Variants in MGST1 observed in about 807,000 individuals in gnomAD.
The protein encoded by MGST1 is microsomal glutathione S-transferase 1, also known as glutathione S-transferase 12.
A neutral mutation model predicts 8.9 loss-of-function variants in MGST1; 5 were observed. That is an observed-to-expected ratio of 0.56 (90% CI 0.29 to 1.19). The LOEUF (loss-of-function observed/expected upper bound fraction) is 1.19. MGST1 is among the 50% of genes most tolerant of loss of function. The pLI is 0.08. For synonymous variants in MGST1, 54 were observed against 67.8 expected (o/e 0.80, Z 1.00); for missense variants, 182 against 187.4 (o/e 0.97, Z 0.17).
intron 4 of MGST1, among the ~76,000 whole-genome samples, chr12:16,452,899 G>A (rs1941141518): frequency 6.6e-6 from 1 of 151,818 alleles, no homozygotes; most frequent in Non-Finnish European, 1.5e-5. Context: ...AAAAAGATGT[G>A]CCTAAATTAT....
intron 1 of MGST1, among the ~76,000 whole-genome samples, chr12:16,398,260 G>A (rs1345015456): frequency 6.6e-6 from 1 of 152,194 alleles, no homozygotes; most frequent in African/African-American, 2.4e-5. Context: ...ACAGGTGGGT[G>A]CAGAGAACCA....
chr12:16,474,802 T>C (rs561592475), intron 4 of MGST1, among the ~76,000 whole-genome samples: 1 of 152,226 alleles, frequency 6.6e-6, no homozygotes, highest in Non-Finnish European at 1.5e-5. Flanking sequence ...GAAGCTAGTG[T>C]GTTTGTGCAT....
At chr12:16,415,652 AAC>A (rs1940781854) in intron 1 of MGST1, among the ~76,000 whole-genome samples, 1 of 152,228 alleles carries the variant, frequency 6.6e-6, no homozygotes, top group South Asian at 2.1e-4. Flanking sequence ...TAATGTGTAT[AAC>A]ACAAAAAATA....
intron 4 of MGST1, among the ~76,000 whole-genome samples, chr12:16,499,407 T>A (rs910408522): frequency 6.6e-6 from 1 of 152,202 alleles, no homozygotes. Flanking sequence ...TTACCAGCAC[T>A]GTGTGGGGAG....
At chr12:16,487,118 A>T (rs766124560) in intron 4 of MGST1, among the ~76,000 whole-genome samples, 13 of 152,168 alleles carry the variant, frequency 8.5e-5, no homozygotes, top group Non-Finnish European at 1.6e-4. Context: ...GCAATGGTGG[A>T]ACTTCAGGCC....
At chr12:16,428,357 C>G (rs1440005159) in intron 1 of MGST1, among the ~76,000 whole-genome samples, 2 of 151,644 alleles carry the variant, frequency 1.3e-5, no homozygotes, top group Non-Finnish European at 1.5e-5. Context: ...GTGCATTTTC[C>G]TAATTTTTTT....
At chr12:16,580,336 A>G (rs754827081) in intron 4 of MGST1, among the ~76,000 whole-genome samples, 1 of 152,208 alleles carries the variant, frequency 6.6e-6, no homozygotes, top group Non-Finnish European at 1.5e-5. Flanking sequence ...AAGGATCAAG[A>G]GCAAAGACAC....
At chr12:16,358,142 A>G (rs1939812285) in intron 3 of MGST1, among the ~76,000 whole-genome samples, 1 of 152,158 alleles carries the variant, frequency 6.6e-6, no homozygotes, top group Non-Finnish European at 1.5e-5. Flanking sequence ...CCCCACTGCC[A>G]TCTCTTTTTA....
intron 4 of MGST1, among the ~76,000 whole-genome samples, chr12:16,474,826 T>C (rs1254569241): frequency 6.6e-6 from 1 of 152,222 alleles, no homozygotes; most frequent in African/African-American, 2.4e-5. Flanking sequence ...GTTAAAGGTG[T>C]ACTAAGTAGG....
At chr12:16,534,164 ATT>A (rs1301580968) in intron 4 of MGST1, among the ~76,000 whole-genome samples, 2 of 152,234 alleles carry the variant, frequency 1.3e-5, no homozygotes, top group East Asian at 3.9e-4. Flanking sequence ...ATAAAAAATC[ATT>A]GATAAAATAA....
intron 4 of MGST1, among the ~76,000 whole-genome samples, chr12:16,565,010 A>T (rs78291943): frequency 0.014 from 2,058 of 152,196 alleles, 50 homozygotes; most frequent in African/African-American, 0.048. Context: ...GGCTGAACTC[A>T]CACTCTTGGG....
At chr12:16,435,575 G>A (rs1418282889) in intron 1 of MGST1, among the ~76,000 whole-genome samples, 1 of 151,838 alleles carries the variant, frequency 6.6e-6, no homozygotes, top group Non-Finnish European at 1.5e-5. Flanking sequence ...ATTCTCAGAA[G>A]AAAATTTTCA....
At chr12:16,431,609 C>T (rs373498569) in intron 1 of MGST1, among the ~76,000 whole-genome samples, 7 of 151,936 alleles carry the variant, frequency 4.6e-5, no homozygotes, top group Non-Finnish European at 7.4e-5. Context: ...CTTGTATGGG[C>T]GCAGTTCACT....
At chr12:16,382,455 T>C (rs1462701001), upstream of MGST1, among the ~76,000 whole-genome samples, 1 of 152,158 alleles carries the variant, frequency 6.6e-6, no homozygotes, top group African/African-American at 2.4e-5. Context: ...GAACAGTGTG[T>C]ATTGGTGAAC....
At chr12:16,479,689 G>A (rs994050040) in intron 4 of MGST1, among the ~76,000 whole-genome samples, 73 of 151,790 alleles carry the variant, frequency 4.8e-4, no homozygotes, top group African/African-American at 1.2e-3. Flanking sequence ...GCATGCCATC[G>A]TACATGATTA....
chr12:16,430,817 C>A (rs949771882), intron 1 of MGST1, among the ~76,000 whole-genome samples: 7 of 152,148 alleles, frequency 4.6e-5, no homozygotes, highest in Non-Finnish European at 1.0e-4. Flanking sequence ...TCTGCATTAG[C>A]CTCTAACAAG....
In MGST1 at chr12:16,559,807, A is replaced by G. The variant is rs1455997457; in HGVS notation, n.483-29721A>G. Among the ~76,000 whole-genome samples the G allele has an allele frequency of 2.0e-5, 3 of 151,630 alleles. No individual in the cohort carries two copies. Among genetic ancestry groups the G allele is most frequent in the Admixed American group, 6.6e-5 (1 of 15,204 alleles). On this transcript the variant is annotated intron_variant and non_coding_transcript_variant, in intron 4 of 4. Coordinates refer to the MGST1 transcript ENST00000538857. The surrounding 1 kb of genome is among the most constrained non-coding windows in gnomAD (Gnocchi z 4.1). The stretch of plus-strand genomic sequence containing the variant: ...CATCTCTATAAAAAATGAAAAAAAA[A>G]AAAAATTAGCCAGGCATGGGAGTGC...
intron 4 of MGST1, chr12:16,551,226 C>T (rs777979802): frequency 5.0e-6 from 8 of 1,590,064 alleles, no homozygotes; most frequent in African/African-American, 2.7e-5. Flanking sequence ...GATAGATCAG[C>T]GAACCTGGGG....
chr12:16,448,682 ACT>A (rs767258267), intron 4 of MGST1, among the ~76,000 whole-genome samples: 2 of 151,928 alleles, frequency 1.3e-5, no homozygotes, highest in Admixed American at 1.3e-4. Context: ...ATGTTGGCTG[ACT>A]CTATTCTTAT....
Sources: allele counts gnomAD v4.1 joint callset (sites outside exome capture counted in the v4.1 genomes callset), GRCh38; gene constraint gnomAD v4.1.1; non-coding constraint Gnocchi (gnomAD v3.1); transcripts MANE v1.5; gene names NCBI Gene and HGNC (gene_info 2026-07-23, HGNC 2026-07-21).